DIAPH3: variants seen among roughly 807,000 people sequenced by gnomAD.
DIAPH3 encodes the protein diaphanous related formin 3.
Under a neutral mutation model 144.3 loss-of-function variants are expected in DIAPH3, and 117 were observed. That is an observed-to-expected ratio of 0.81 (90% CI 0.70 to 0.95). DIAPH3 has a LOEUF of 0.95. Ranked by LOEUF, DIAPH3 falls within the 40% of genes least tolerant of loss-of-function variation. DIAPH3 has a pLI of 0.00. For missense variants in DIAPH3, 1,421 were observed against 1,412.7 expected (o/e 1.01, Z -0.09); for synonymous variants, 519 against 488.9 (o/e 1.06, Z -0.81).
chr13:59,774,176 T>C lies in DIAPH3; in HGVS notation c.3319+13A>G. On this transcript the variant is annotated intron_variant, in intron 27 of 27. Transcript: ENST00000400324. Reference sequence around the variant, plus strand: ...ATAAGAAGAATGTGCAATTTATAAATACGGTTTATTACCATGGTTACAAAC... The same window carrying C: ...ATAAGAAGAATGTGCAATTTATAAACACGGTTTATTACCATGGTTACAAAC... 3 of 1,611,896 alleles carry C rather than the reference T, an allele frequency of 1.9e-6. No homozygotes were observed. Among genetic ancestry groups the C allele is most frequent in the Admixed American group, 3.3e-5 (2 of 59,904 alleles).
At chr13:60,073,325 T>C (rs1594587180) in intron 4 of DIAPH3, among the ~76,000 whole-genome samples, 1 of 150,160 alleles carries the variant, frequency 6.7e-6, no homozygotes, top group Admixed American at 6.6e-5. Context: ...AAAAAAAAGA[T>C]GAAAATACCA....
chr13:59,847,609 A>G (rs2042719910), intron 22 of DIAPH3, among the ~76,000 whole-genome samples: 1 of 152,206 alleles, frequency 6.6e-6, no homozygotes, highest in Non-Finnish European at 1.5e-5. Context: ...AGAGGTGCAT[A>G]ACAGAAATGT....
At chr13:59,847,357 T>C (rs2042701258) in intron 22 of DIAPH3, among the ~76,000 whole-genome samples, 1 of 152,152 alleles carries the variant, frequency 6.6e-6, no homozygotes, top group Non-Finnish European at 1.5e-5. Flanking sequence ...AGAAGGCAAG[T>C]AGAGGAAATG....
chr13:60,085,948 A>C (rs1221621685), intron 4 of DIAPH3, among the ~76,000 whole-genome samples: 1 of 152,130 alleles, frequency 6.6e-6, no homozygotes, highest in Non-Finnish European at 1.5e-5. Flanking sequence ...ACAGGGTGAA[A>C]ATGACCTTGG....
chr13:60,139,458 C>T (rs1347004585), intron 1 of DIAPH3, among the ~76,000 whole-genome samples: 1 of 152,166 alleles, frequency 6.6e-6, no homozygotes, highest in African/African-American at 2.4e-5. Flanking sequence ...TCCAAAGCTT[C>T]TCTACTGTCA....
At chr13:59,844,503 CA>C (rs11402186) in intron 22 of DIAPH3, among the ~76,000 whole-genome samples, 87 of 127,656 alleles carry the variant, frequency 6.8e-4, no homozygotes, top group East Asian at 1.4e-3. Flanking sequence ...GACTCCATCC[CA>C]AAAAAAAAAA....
chr13:59,827,328 A>G (rs887426503), intron 24 of DIAPH3, among the ~76,000 whole-genome samples: 9 of 152,104 alleles, frequency 5.9e-5, no homozygotes, highest in Non-Finnish European at 1.0e-4. Flanking sequence ...ACTCAAACAA[A>G]TTTACAAGGA....
chr13:60,127,580 C>G (rs144742066), intron 2 of DIAPH3, among the ~76,000 whole-genome samples: 5 of 152,096 alleles, frequency 3.3e-5, no homozygotes, highest in Middle Eastern at 3.4e-3. Flanking sequence ...TGGAAACAAC[C>G]CAAACTGCTG....
At chr13:59,889,677 A>G (rs574227648) in intron 20 of DIAPH3, among the ~76,000 whole-genome samples, 17 of 152,192 alleles carry the variant, frequency 1.1e-4, no homozygotes, top group Non-Finnish European at 2.4e-4. Context: ...ATTGCATTCA[A>G]TATTGAATAC....
intron 17 of DIAPH3, among the ~76,000 whole-genome samples, chr13:59,958,806 T>C (rs1329518021): frequency 6.6e-6 from 1 of 151,786 alleles, no homozygotes; most frequent in African/African-American, 2.4e-5. Context: ...AAAGGCATTT[T>C]TGGCTGTGGT....
intron 2 of DIAPH3, among the ~76,000 whole-genome samples, chr13:60,124,502 T>A (rs2058934137): frequency 6.6e-6 from 1 of 152,210 alleles, no homozygotes; most frequent in Admixed American, 6.5e-5. Flanking sequence ...AAATAGTTCA[T>A]TTCTCATCTT....
At chr13:60,030,546 C>G (rs2063670) in intron 5 of DIAPH3, among the ~76,000 whole-genome samples, 37,763 of 151,914 alleles carry the variant, frequency 0.25, 5,524 homozygotes, top group Admixed American at 0.38. Flanking sequence ...TTTTACTATT[C>G]AAATCCATTT....
intron 3 of DIAPH3, among the ~76,000 whole-genome samples, chr13:60,103,432 T>C (rs1478074321): frequency 1.3e-5 from 2 of 152,058 alleles, no homozygotes; most frequent in East Asian, 1.9e-4. Flanking sequence ...AGTGAATATA[T>C]ACAAGCAGCA....
intron 27 of DIAPH3, among the ~76,000 whole-genome samples, chr13:59,706,808 G>C (rs1335990741): frequency 1.3e-5 from 2 of 152,068 alleles, no homozygotes; most frequent in African/African-American, 4.8e-5. Flanking sequence ...TCTCCTGTTA[G>C]TCATTCTCAG....
intron 17 of DIAPH3, among the ~76,000 whole-genome samples, chr13:59,946,183 C>T (rs890413702): frequency 2.0e-5 from 3 of 152,150 alleles, no homozygotes; most frequent in Non-Finnish European, 4.4e-5. Context: ...AGTAACTTTA[C>T]AATCCTATGA....
At chr13:59,829,160 A>G (rs1292763383) in intron 24 of DIAPH3, among the ~76,000 whole-genome samples, 1 of 151,990 alleles carries the variant, frequency 6.6e-6, no homozygotes, top group African/African-American at 2.4e-5. Context: ...AGTTAGTCAA[A>G]GGTATAGCAA....
chr13:59,740,919 C>A (rs949381205), intron 27 of DIAPH3, among the ~76,000 whole-genome samples: 1 of 152,092 alleles, frequency 6.6e-6, no homozygotes, highest in Non-Finnish European at 1.5e-5. Flanking sequence ...TGGTGAACAG[C>A]TCAAGGAATC....
intron 25 of DIAPH3, among the ~76,000 whole-genome samples, chr13:59,807,293 T>C (rs1426189302): frequency 6.6e-6 from 1 of 151,966 alleles, no homozygotes; most frequent in East Asian, 1.9e-4. Flanking sequence ...ACAAATATTA[T>C]GAAATTTGGG....
chr13:59,675,819 GC>G (rs2032621592), intron 27 of DIAPH3, among the ~76,000 whole-genome samples: 1 of 152,140 alleles, frequency 6.6e-6, no homozygotes, highest in Non-Finnish European at 1.5e-5. Flanking sequence ...ACATGATTAG[GC>G]CATGGCAAAT....
Sources: gnomAD v4.1 joint callset for allele counts (sites outside exome capture counted in the v4.1 genomes callset) on GRCh38, gnomAD v4.1.1 for gene constraint, MANE v1.5 for transcripts, NCBI Gene and HGNC (gene_info 2026-07-23, HGNC 2026-07-21) for gene names.